Variants in VPS45 observed in about 807,000 individuals in gnomAD.
The protein encoded by VPS45 is vacuolar protein sorting 45 homolog.
A neutral mutation model predicts 75.9 loss-of-function variants in VPS45; 35 were observed. That is an observed-to-expected ratio of 0.46 (90% CI 0.35 to 0.61). VPS45 has a LOEUF of 0.61. Ranked by LOEUF, VPS45 falls within the 20% of genes least tolerant of loss-of-function variation. The pLI is 0.00. For missense variants in VPS45, 559 were observed against 685.9 expected, an observed-to-expected ratio of 0.81 and a Z score of 2.07; for synonymous variants, 220 against 238.2, an observed-to-expected ratio of 0.92 and a Z score of 0.70.
intron 1 of VPS45, 112 bp from the exon 2 acceptor site, chr1:150,068,518 A>G (rs1553796300): frequency 9.8e-7 from 1 of 1,020,244 alleles, no homozygotes; most frequent in African/African-American, 1.7e-5. Flanking sequence ...TTTTCCGTAT[A>G]TTACTATTTA....
intron 2 of VPS45, among the ~76,000 whole-genome samples, chr1:150,070,636 C>CCA (rs1553796858): frequency 7.1e-6 from 1 of 141,352 alleles, no homozygotes; most frequent in Non-Finnish European, 1.5e-5. Context: ...ACTAAAAATA[C>CCA]AAAAAAAAAA....
chr1:150,086,970 AC>A (rs1553800819), intron 10 of VPS45, among the ~76,000 whole-genome samples: 1 of 9,290 alleles, frequency 1.1e-4, no homozygotes, highest in Non-Finnish European at 2.4e-4. Context: ...TTAAACTAAA[AC>A]AAAAAAAAAG....
At chr1:150,069,336 T>G (rs1654898723) in intron 2 of VPS45, among the ~76,000 whole-genome samples, 2 of 151,810 alleles carry the variant, frequency 1.3e-5, no homozygotes, top group South Asian at 4.2e-4. Context: ...TGTTCCTTGT[T>G]TTTTTTTTCT....
rs1553816233 is a variant in VPS45, at chr1:150,144,857, T to TA, written c.*64dup. ...TGTCCCCACTACAGGTTTTCCCTAC[T>TA]AAACAAAGGTGTTGGAGAGCAGCTT... On this transcript the variant is annotated 3_prime_UTR_variant, in exon 15 of 15. Transcript: ENST00000644510. The TA allele has an allele frequency of 6.2e-7, 1 of 1,609,966 alleles. No homozygotes were observed. The highest frequency in any genetic ancestry group is 1.7e-5 in the Admixed American group (1 of 59,440).
chr1:150,130,863 T>G (rs1658796652), intron 14 of VPS45, among the ~76,000 whole-genome samples: 1 of 152,216 alleles, frequency 6.6e-6, no homozygotes, highest in Non-Finnish European at 1.5e-5. Context: ...TTGACTTCAT[T>G]ACATATATTA....
chr1:150,071,084 C>A (rs1420692169), intron 2 of VPS45, among the ~76,000 whole-genome samples: 1 of 151,368 alleles, frequency 6.6e-6, no homozygotes, highest in Non-Finnish European at 1.5e-5. Context: ...TTTTTAAAAC[C>A]CTTTCCCCAT....
At chr1:150,115,420 TTTTCTCA>T (rs1657879185) in intron 14 of VPS45, among the ~76,000 whole-genome samples, 1 of 152,230 alleles carries the variant, frequency 6.6e-6, no homozygotes, top group Non-Finnish European at 1.5e-5. Context: ...TATCCTCTTT[TTTTCTCA>T]TGTTTTCAAA....
chr1:150,081,564 G>T, intron 8 of VPS45, 88 bp downstream of exon 8: 1 of 1,439,486 alleles, frequency 6.9e-7, no homozygotes, highest in East Asian at 2.4e-5. Flanking sequence ...GGCAGGCATG[G>T]GATTTCATGT....
At chr1:150,088,303 T>A (rs1249783428) in intron 10 of VPS45, among the ~76,000 whole-genome samples, 1 of 151,934 alleles carries the variant, frequency 6.6e-6, no homozygotes, top group Non-Finnish European at 1.5e-5. Flanking sequence ...CTTTTTAGAT[T>A]CCACATATGA....
At chr1:150,096,214 G>GCT (rs1571856233) in intron 13 of VPS45, among the ~76,000 whole-genome samples, 1 of 152,138 alleles carries the variant, frequency 6.6e-6, no homozygotes, top group East Asian at 1.9e-4. Context: ...TAAAACCTCT[G>GCT]GAAATGTTGA....
intron 14 of VPS45, among the ~76,000 whole-genome samples, chr1:150,140,694 G>A (rs190630656): frequency 6.6e-6 from 1 of 152,026 alleles, no homozygotes; most frequent in East Asian, 1.9e-4. Flanking sequence ...GGAGTGATGA[G>A]GATAAGGAGG....
intron 12 of VPS45, 70 bp from the exon 13 acceptor site, chr1:150,093,457 A>C: frequency 6.4e-7 from 1 of 1,555,308 alleles, no homozygotes; most frequent in Non-Finnish European, 8.7e-7. Flanking sequence ...CTTTTCTGAT[A>C]TGAATATTAT....
upstream of VPS45, chr1:150,067,478 C>A (rs1053156740): frequency 8.1e-5 from 18 of 221,756 alleles, no homozygotes; most frequent in East Asian, 1.3e-3. Flanking sequence ...TGCTTCCAAG[C>A]AAACCTTGTG....
intron 14 of VPS45, among the ~76,000 whole-genome samples, chr1:150,139,241 G>A (rs1268025105): frequency 6.6e-6 from 1 of 152,028 alleles, no homozygotes; most frequent in Non-Finnish European, 1.5e-5. Context: ...GGCCTTATAT[G>A]GTCTCTCCTT....
At chr1:150,134,690 C>A (rs782656391) in intron 14 of VPS45, among the ~76,000 whole-genome samples, 1 of 152,100 alleles carries the variant, frequency 6.6e-6, no homozygotes, top group Non-Finnish European at 1.5e-5. Context: ...TTAAACTTTG[C>A]TTCTAAGATT....
chr1:150,084,844 A>G (rs782532329), intron 10 of VPS45, among the ~76,000 whole-genome samples: 1 of 152,130 alleles, frequency 6.6e-6, no homozygotes, highest in Non-Finnish European at 1.5e-5. Context: ...ACGATGATTC[A>G]ATGAGATATG....
At chr1:150,068,269 A>C in intron 1 of VPS45, 2 of 381,212 alleles carry the variant, frequency 5.2e-6, no homozygotes, top group Non-Finnish European at 9.4e-6. Context: ...TCCACTCAAC[A>C]TTGTGTTTTT....
At chr1:150,128,805 T>A (rs1343784841) in intron 14 of VPS45, among the ~76,000 whole-genome samples, 3 of 151,834 alleles carry the variant, frequency 2.0e-5, no homozygotes, top group African/African-American at 7.3e-5. Flanking sequence ...AGTGGCACGA[T>A]CTCGGCTCAC....
chr1:150,087,828 G>A (rs781882086), intron 10 of VPS45, among the ~76,000 whole-genome samples: 7 of 152,082 alleles, frequency 4.6e-5, no homozygotes, highest in Non-Finnish European at 7.4e-5. Flanking sequence ...ATAATTACTC[G>A]CAGTAAGCCT....
Sources: allele counts gnomAD v4.1 joint callset (sites outside exome capture counted in the v4.1 genomes callset), GRCh38; gene constraint gnomAD v4.1.1; transcripts MANE v1.5; gene names NCBI Gene and HGNC (gene_info 2026-07-23, HGNC 2026-07-21).